The following SHISAL1 variants were observed in gnomAD, a reference collection of about 807,000 sequenced individuals.
The protein encoded by SHISAL1 is protein shisa-like-1.
In SHISAL1, 9 loss-of-function variants were observed where a neutral mutation model predicts 22.6. That is an observed-to-expected ratio of 0.40 (90% CI 0.24 to 0.70). SHISAL1 has a LOEUF of 0.70. SHISAL1 is among the 30% of genes least tolerant of loss of function. The pLI is 0.39. For missense variants in SHISAL1, 246 were observed against 270.6 expected (o/e 0.91, Z 0.64); for synonymous variants, 119 against 115.4 (o/e 1.03, Z -0.20).
intron 4 of SHISAL1, among the ~76,000 whole-genome samples, chr22:44,276,161 G>T (rs1218975780): frequency 1.3e-5 from 2 of 152,190 alleles, no homozygotes; most frequent in Non-Finnish European, 2.9e-5. Flanking sequence ...GGAGGTGGCT[G>T]CTTCTATTTT....
the SHISAL1 span, among the ~76,000 whole-genome samples, chr22:44,329,819 C>T: frequency 6.6e-6 from 1 of 152,292 alleles, no homozygotes; most frequent in Non-Finnish European, 1.5e-5. Context: ...GACACCAGGA[C>T]CTGAAGGTTA....
At chr22:44,300,845 C>A in intron 2 of SHISAL1, 34 bp downstream of exon 2, 1 of 1,590,168 alleles carries the variant, frequency 6.3e-7, no homozygotes, top group Non-Finnish European at 8.6e-7. Context: ...CCCCCACGTG[C>A]CGCCCCCGCC....
At chr22:44,282,313 G>A (rs2055282193) in intron 4 of SHISAL1, among the ~76,000 whole-genome samples, 1 of 152,212 alleles carries the variant, frequency 6.6e-6, no homozygotes, top group South Asian at 2.1e-4. Flanking sequence ...GGAACTCCTG[G>A]GCACTGAGGC....
Position 44,296,848 on chromosome 22 carries a change from T to G in SHISAL1, c.105A>C (p.Thr35=), listed in dbSNP as rs920820803. Residue 35 remains threonine, a synonymous_variant, in exon 3 of 5, where the codon ACA becomes ACC. Coordinates refer to ENST00000381176, the MANE Select transcript of SHISAL1 (RefSeq NM_001099294.2). ...SAHFRVCEPY[T]DHKGRYHFGF... ...CAAAGTGGTAGCGGCCTTTGTGGTC[T>G]GTGTATGGTTCACAGACCCGGAAAT... is the stretch of plus-strand genomic sequence containing the variant. 2 of 1,612,956 alleles carry G rather than the reference T, an allele frequency of 1.2e-6. No homozygotes were observed. The highest frequency in any genetic ancestry group is 2.7e-5 in the African/African-American group (2 of 74,900).
At chr22:44,293,115 A>C (rs1024143704) in intron 3 of SHISAL1, among the ~76,000 whole-genome samples, 1 of 152,176 alleles carries the variant, frequency 6.6e-6, no homozygotes, top group African/African-American at 2.4e-5. Flanking sequence ...TCTGCCCAAA[A>C]GTGCTCTTTC....
Position 44,269,324 on chromosome 22 carries a change from C to T in SHISAL1, c.599+16104G>A, listed in dbSNP as rs1467361628. ...ACACACCATACTGCACAGACACCCA[C>T]AATATACACATACACACACCATGTC... On this transcript the variant is annotated intron_variant, in intron 4 of 4. Coordinates refer to ENST00000381176, the MANE Select transcript of SHISAL1 (RefSeq NM_001099294.2). 2.7e-5 allele frequency among the ~76,000 whole-genome samples: 4 copies of T among 147,948 alleles called. 1 individual carries two copies. The South Asian group carries it at 6.4e-4, about 24-fold the overall frequency.
chr22:44,289,442 G>T (rs146516955), intron 3 of SHISAL1, among the ~76,000 whole-genome samples: 3 of 150,856 alleles, frequency 2.0e-5, no homozygotes, highest in South Asian at 4.2e-4. Flanking sequence ...TTGGGGCACC[G>T]TGCAGATCAG....
intron 2 of SHISAL1, among the ~76,000 whole-genome samples, chr22:44,299,737 CAG>C (rs1006752545): frequency 9.2e-5 from 14 of 151,366 alleles, no homozygotes; most frequent in African/African-American, 3.4e-4. Context: ...GAGACAGAGA[CAG>C]AAAGACAGAG....
upstream of SHISAL1, among the ~76,000 whole-genome samples, chr22:44,316,261 AC>A: frequency 6.6e-6 from 1 of 152,112 alleles, no homozygotes; most frequent in South Asian, 2.1e-4. Flanking sequence ...CTAGCTTGGG[AC>A]CTCGGACAAG....
chr22:44,305,803 C>T (rs1437734623), intron 1 of SHISAL1, among the ~76,000 whole-genome samples: 4 of 152,272 alleles, frequency 2.6e-5, no homozygotes, highest in Admixed American at 2.0e-4. Flanking sequence ...GGTCACCGTG[C>T]GATCAAAGCC....
upstream of SHISAL1, among the ~76,000 whole-genome samples, chr22:44,316,104 T>C (rs912716128): frequency 1.3e-5 from 2 of 152,176 alleles, no homozygotes; most frequent in African/African-American, 4.8e-5. Context: ...ATTCTGTGAC[T>C]TGCCCAAGGT....
rs531673009 is a variant in SHISAL1, at chr22:44,244,281, T to C, written c.*5404A>G. ...GTGGGATCCTGCACATTTTGGAGGC[T>C]GGTTTAGGGTCATTCAACAGGGTAC... is the stretch of plus-strand genomic sequence containing the variant. On this transcript the variant is annotated 3_prime_UTR_variant, in exon 5 of 5. Transcript: ENST00000381176. 1.3e-5 allele frequency: 2 copies of C among 152,288 alleles called. No homozygotes were observed. Among genetic ancestry groups the C allele is most frequent in the East Asian group, 1.9e-4 (1 of 5,184 alleles). The allele number at this position is 152,288 out of a possible 1,614,324, so 9.4% of individuals were successfully genotyped here.
At chr22:44,291,819 G>A (rs1290587394) in intron 3 of SHISAL1, among the ~76,000 whole-genome samples, 10 of 152,070 alleles carry the variant, frequency 6.6e-5, no homozygotes, top group Middle Eastern at 3.2e-3. Flanking sequence ...CTGGCCCACC[G>A]CGACCCCCAC....
chr22:44,269,492 A>T (rs896165096), intron 4 of SHISAL1, among the ~76,000 whole-genome samples: 2 of 137,984 alleles, frequency 1.4e-5, no homozygotes, highest in Admixed American at 7.4e-5. Context: ...ACACACACAC[A>T]CTCCATGCCA....
the SHISAL1 span, among the ~76,000 whole-genome samples, chr22:44,326,226 G>A: frequency 1.5e-4 from 23 of 152,166 alleles, no homozygotes; most frequent in South Asian, 2.1e-4. Flanking sequence ...AAATTCTCGC[G>A]CTGGATTATG....
chr22:44,298,914 C>T (rs910068056), intron 2 of SHISAL1, among the ~76,000 whole-genome samples: 7 of 152,228 alleles, frequency 4.6e-5, no homozygotes, highest in African/African-American at 1.4e-4. Context: ...GCTGCCTTCC[C>T]GGAGCCAACA....
At chr22:44,304,983 C>A (rs1484334323) in intron 1 of SHISAL1, among the ~76,000 whole-genome samples, 1 of 152,190 alleles carries the variant, frequency 6.6e-6, no homozygotes, top group Non-Finnish European at 1.5e-5. Flanking sequence ...TGCTCCAACT[C>A]CCTACAAAGC....
intron 4 of SHISAL1, among the ~76,000 whole-genome samples, chr22:44,265,038 T>C (rs979788540): frequency 2.6e-5 from 4 of 152,176 alleles, no homozygotes; most frequent in South Asian, 2.1e-4. Context: ...AGTGTTGACT[T>C]TTCCCTTCTG....
intron 1 of SHISAL1, among the ~76,000 whole-genome samples, chr22:44,301,399 C>T (rs1400594942): frequency 5.9e-5 from 9 of 152,214 alleles, no homozygotes; most frequent in East Asian, 5.8e-4. Flanking sequence ...TGAACCCCTC[C>T]ACAAGTATGC....
Sources: gnomAD v4.1 joint callset for allele counts (sites outside exome capture counted in the v4.1 genomes callset) on GRCh38, gnomAD v4.1.1 for gene constraint, MANE v1.5 for transcripts, NCBI Gene and HGNC (gene_info 2026-07-23, HGNC 2026-07-21) for gene names.